Variants in ELMO1 observed in about 807,000 individuals in gnomAD.
The protein encoded by ELMO1 is engulfment and cell motility 1.
In ELMO1, 26 loss-of-function variants were observed where a neutral mutation model predicts 98.9. That is an observed-to-expected ratio of 0.26 (90% CI 0.19 to 0.36). The LOEUF (loss-of-function observed/expected upper bound fraction) is 0.36, where lower values mean the gene tolerates loss of function less well. Among genes scored for constraint, ELMO1 ranks in the 10% least tolerant of loss-of-function variants. The pLI is 1.00. For synonymous variants in ELMO1, 346 were observed against 346.0 expected (o/e 1.00, Z 0.00); for missense variants, 627 against 935.2 (o/e 0.67, Z 4.30).
At position 37,434,199 on chromosome 7, in the gene ELMO1, A is replaced by C. The variant is rs148173080; in HGVS notation, c.-74+14476T>G. On this transcript the variant is annotated intron_variant, in intron 1 of 21. Coordinates refer to ENST00000310758, the MANE Select transcript of ELMO1 (RefSeq NM_014800.11). ...GGTTCCATCCTCTTCTGGTTGCCTC[A>C]TTAGGTGGTACCTTGAGGTTTATAA... 2.0e-3 allele frequency among the ~76,000 whole-genome samples: 309 copies of C among 152,288 alleles called. 2 individuals carry two copies. Among genetic ancestry groups the C allele is most frequent in the African/African-American group, 7.1e-3 (293 of 41,556 alleles).
At chr7:37,381,612 A>T (rs1802585290) in intron 1 of ELMO1, among the ~76,000 whole-genome samples, 1 of 152,230 alleles carries the variant, frequency 6.6e-6, no homozygotes, top group Non-Finnish European at 1.5e-5. Context: ...ACATAAATGT[A>T]AACTTATGGA....
intron 14 of ELMO1, among the ~76,000 whole-genome samples, chr7:37,102,686 C>G (rs943662956): frequency 6.6e-6 from 1 of 152,156 alleles, no homozygotes; most frequent in African/African-American, 2.4e-5. Context: ...CCAGCACATG[C>G]CAAAATACTA....
chr7:37,320,994 C>A (rs1245117409), intron 2 of ELMO1, among the ~76,000 whole-genome samples: 2 of 152,184 alleles, frequency 1.3e-5, no homozygotes, highest in African/African-American at 4.8e-5. Context: ...TTAGGCAATT[C>A]ATGGCTTGGA....
intron 13 of ELMO1, among the ~76,000 whole-genome samples, chr7:37,139,437 T>C (rs1294005211): frequency 6.6e-6 from 1 of 152,104 alleles, no homozygotes; most frequent in Non-Finnish European, 1.5e-5. Context: ...GTGATCAAGC[T>C]GAAAATCAAA....
chr7:37,194,993 G>C (rs1791878194), intron 13 of ELMO1, among the ~76,000 whole-genome samples: 1 of 152,198 alleles, frequency 6.6e-6, no homozygotes, highest in African/African-American at 2.4e-5. Context: ...GGGTGCAAGA[G>C]ATGCAAAGGT....
intron 13 of ELMO1, among the ~76,000 whole-genome samples, chr7:37,183,274 A>G (rs763952417): frequency 6.6e-6 from 1 of 152,232 alleles, no homozygotes; most frequent in Non-Finnish European, 1.5e-5. Flanking sequence ...AACTAAATAC[A>G]TCAAACAAAA....
At chr7:36,987,693 G>A (rs924920275) in intron 16 of ELMO1, among the ~76,000 whole-genome samples, 5 of 151,986 alleles carry the variant, frequency 3.3e-5, no homozygotes, top group East Asian at 1.9e-4. Context: ...AGCAACAGTC[G>A]CCCTCAGCCT....
At chr7:37,153,133 G>GA (rs2129320263) in intron 13 of ELMO1, among the ~76,000 whole-genome samples, 1 of 152,274 alleles carries the variant, frequency 6.6e-6, no homozygotes, top group African/African-American at 2.4e-5. Flanking sequence ...ATATCTCACA[G>GA]AAAAATGACT....
intron 13 of ELMO1, among the ~76,000 whole-genome samples, chr7:37,143,011 A>C (rs527315514): frequency 2.6e-4 from 39 of 152,336 alleles, no homozygotes; most frequent in African/African-American, 8.2e-4. Flanking sequence ...ATTTTCAAAA[A>C]ATCCTTACAG....
In ELMO1 at chr7:36,966,938, C is replaced by T. The variant is rs191274239; in HGVS notation, c.1437+46361G>A. On this transcript the variant is annotated intron_variant, in intron 16 of 21. Coordinates refer to ENST00000310758, the MANE Select transcript of ELMO1 (RefSeq NM_014800.11). ...GCTGGCCACTGGAGAACAAATTTCA[C>T]GTATAGGGGATGTTTAGAAATAGAC... Among the ~76,000 whole-genome samples, 191 of 152,248 alleles carry T rather than the reference C, an allele frequency of 1.3e-3. 1 individual carries two copies. The South Asian group carries it at 0.019, about 15-fold the overall frequency.
chr7:37,436,402 T>C (rs577425584), intron 1 of ELMO1, among the ~76,000 whole-genome samples: 2 of 152,350 alleles, frequency 1.3e-5, no homozygotes, highest in African/African-American at 4.8e-5. Flanking sequence ...AATGAAGATA[T>C]GCATACAGCC....
intron 1 of ELMO1, among the ~76,000 whole-genome samples, chr7:37,389,468 G>A (rs1286206420): frequency 6.6e-6 from 1 of 152,196 alleles, no homozygotes; most frequent in Non-Finnish European, 1.5e-5. Context: ...TTGTGTTGAT[G>A]CACATGTAGA....
rs150534547 is a variant in ELMO1, at chr7:36,993,005, G to A, written c.1437+20294C>T. Among the ~76,000 whole-genome samples the A allele has an allele frequency of 7.2e-5, 11 of 152,288 alleles. No individual in the cohort carries two copies. The East Asian group carries it at 2.1e-3, about 29-fold the overall frequency. ...AGAAAAGAGTGCATCAGGGATGCGGGGAAGAATATAGGGTCTGATGAGCAA... is the reference window on the plus strand; with the variant it reads ...AGAAAAGAGTGCATCAGGGATGCGGAGAAGAATATAGGGTCTGATGAGCAA... On this transcript the variant is annotated intron_variant, in intron 16 of 21. Coordinates refer to ENST00000310758, the MANE Select transcript of ELMO1 (RefSeq NM_014800.11).
intron 16 of ELMO1, among the ~76,000 whole-genome samples, chr7:36,905,328 A>G (rs1783884815): frequency 6.6e-6 from 1 of 152,332 alleles, no homozygotes; most frequent in East Asian, 1.9e-4. Context: ...CCTAAACTAC[A>G]TGGAGTAACT....
At chr7:37,349,775 C>A (rs1801175223) in intron 1 of ELMO1, among the ~76,000 whole-genome samples, 2 of 152,174 alleles carry the variant, frequency 1.3e-5, no homozygotes, top group African/African-American at 2.4e-5. Context: ...TTTGAGAACA[C>A]CGCCCTGCAT....
chr7:36,975,972 G>C (rs1471097358), intron 16 of ELMO1, among the ~76,000 whole-genome samples: 1 of 152,110 alleles, frequency 6.6e-6, no homozygotes, highest in Admixed American at 6.6e-5. Flanking sequence ...CGAATAGTTG[G>C]AAATTGTTAT....
chr7:37,289,196 T>C (rs144491376), intron 4 of ELMO1, among the ~76,000 whole-genome samples: 114 of 152,318 alleles, frequency 7.5e-4, no homozygotes, highest in Middle Eastern at 6.8e-3. Context: ...TCTGGAACAA[T>C]AGTGAAAATA....
chr7:36,946,327 G>A (rs1787481259), intron 16 of ELMO1, among the ~76,000 whole-genome samples: 1 of 152,214 alleles, frequency 6.6e-6, no homozygotes, highest in South Asian at 2.1e-4. Context: ...GGGCAGCTAT[G>A]AGGACTACAG....
chr7:37,166,633 T>C (rs557477358), intron 13 of ELMO1, among the ~76,000 whole-genome samples: 38 of 152,348 alleles, frequency 2.5e-4, no homozygotes, highest in Admixed American at 2.1e-3. Context: ...TCAGTTTCCA[T>C]GTAGTTGAGC....
Sources: allele counts gnomAD v4.1 joint callset (sites outside exome capture counted in the v4.1 genomes callset), GRCh38; gene constraint gnomAD v4.1.1; transcripts MANE v1.5; gene names NCBI Gene and HGNC (gene_info 2026-07-23, HGNC 2026-07-21).